The following AGMO variants were observed in gnomAD, a reference collection of about 807,000 sequenced individuals.
AGMO encodes alkylglycerol monooxygenase.
Under a neutral mutation model 60.2 loss-of-function variants are expected in AGMO, and 75 were observed. The observed-to-expected ratio is 1.25, with a 90% CI of 1.03 to 1.51. The LOEUF (loss-of-function observed/expected upper bound fraction) is 1.51. Among genes scored for constraint, AGMO ranks in the 40% most tolerant of loss-of-function variants. AGMO has a pLI of 0.00. For missense variants in AGMO, 763 were observed against 525.5 expected (o/e 1.45, Z -4.42); for synonymous variants, 261 against 177.1 (o/e 1.47, Z -3.76).
intron 12 of AGMO, among the ~76,000 whole-genome samples, chr7:15,234,512 C>T (rs905883379): frequency 6.6e-6 from 1 of 152,174 alleles, no homozygotes; most frequent in South Asian, 2.1e-4. Context: ...GACACACCCA[C>T]GTTTAAAACC....
intron 3 of AGMO, among the ~76,000 whole-genome samples, chr7:15,502,125 G>A (rs1783402107): frequency 6.6e-6 from 1 of 151,936 alleles, no homozygotes; most frequent in African/African-American, 2.4e-5. Flanking sequence ...TCCAAAGTGA[G>A]GGATATTAAA....
At chr7:15,278,123 T>C (rs1783851917) in intron 12 of AGMO, among the ~76,000 whole-genome samples, 1 of 142,154 alleles carries the variant, frequency 7.0e-6, no homozygotes, top group Non-Finnish European at 1.6e-5. Flanking sequence ...AATACATCTG[T>C]CCCACAGCTC....
intron 12 of AGMO, among the ~76,000 whole-genome samples, chr7:15,304,944 T>G (rs755525294): frequency 1.3e-5 from 2 of 152,010 alleles, no homozygotes; most frequent in Non-Finnish European, 2.9e-5. Context: ...AAAAATTTTC[T>G]CTTGCTTCCC....
chr7:15,301,481 T>C (rs1026455414), intron 12 of AGMO, among the ~76,000 whole-genome samples: 3 of 151,338 alleles, frequency 2.0e-5, no homozygotes, highest in African/African-American at 7.3e-5. Flanking sequence ...GTTCTCAAAA[T>C]GAAGGCAAAT....
chr7:15,232,816 C>A (rs1319828601), intron 12 of AGMO, among the ~76,000 whole-genome samples: 1 of 151,598 alleles, frequency 6.6e-6, no homozygotes, highest in Non-Finnish European at 1.5e-5. Context: ...CACACACACA[C>A]ACACACACAC....
chr7:15,163,960 T>C, the AGMO span, among the ~76,000 whole-genome samples: 1 of 152,044 alleles, frequency 6.6e-6, no homozygotes, highest in Non-Finnish European at 1.5e-5. Context: ...GTTGTAGGCA[T>C]TTTTTGTTAT....
the AGMO span, among the ~76,000 whole-genome samples, chr7:15,149,022 G>C: frequency 1.3e-5 from 2 of 152,150 alleles, no homozygotes; most frequent in Non-Finnish European, 2.9e-5. Flanking sequence ...TCTAACCAGT[G>C]TGAGATAGTA....
chr7:15,131,852 A>T, the AGMO span, among the ~76,000 whole-genome samples: 1 of 151,964 alleles, frequency 6.6e-6, no homozygotes, highest in South Asian at 2.1e-4. Flanking sequence ...GGGTAGAGCA[A>T]GCTGCCATGA....
intron 12 of AGMO, among the ~76,000 whole-genome samples, chr7:15,208,418 G>C (rs756435596): frequency 6.6e-6 from 1 of 152,104 alleles, no homozygotes; most frequent in South Asian, 2.1e-4. Flanking sequence ...GGAACCTCAT[G>C]TTCTTTACTT....
At chr7:15,349,351 G>C (rs927426958) in intron 12 of AGMO, among the ~76,000 whole-genome samples, 5 of 152,078 alleles carry the variant, frequency 3.3e-5, no homozygotes, top group African/African-American at 9.7e-5. Flanking sequence ...TTGCCAGAAG[G>C]TTTATAGCAA....
intron 3 of AGMO, among the ~76,000 whole-genome samples, chr7:15,470,808 T>A (rs1782434300): frequency 6.6e-6 from 1 of 152,016 alleles, no homozygotes; most frequent in Non-Finnish European, 1.5e-5. Context: ...AGAATACCAA[T>A]AAACATAAAT....
At chr7:15,211,560 T>G (rs11981147) in intron 12 of AGMO, among the ~76,000 whole-genome samples, 3,485 of 147,440 alleles carry the variant, frequency 0.024, 127 homozygotes, top group African/African-American at 0.087. Flanking sequence ...GTGTTCCATG[T>G]TTTTTTTTGA....
chr7:15,217,966 G>C (rs1781792929), intron 12 of AGMO, among the ~76,000 whole-genome samples: 1 of 151,848 alleles, frequency 6.6e-6, no homozygotes, highest in South Asian at 2.1e-4. Flanking sequence ...GTGTGTCCTG[G>C]GGGTTTGGTG....
At chr7:15,350,485 G>T (rs768276593) in intron 12 of AGMO, among the ~76,000 whole-genome samples, 4 of 152,058 alleles carry the variant, frequency 2.6e-5, no homozygotes, top group Non-Finnish European at 5.9e-5. Flanking sequence ...TAATTCTCTG[G>T]TAGCTAGCTG....
At position 15,354,399 on chromosome 7, in the gene AGMO, T is replaced by TGTGTATATAC. The variant is rs1563105302; in HGVS notation, c.1263+11114_1263+11115insGTATATACAC. On this transcript the variant is annotated intron_variant, in intron 12 of 12. Transcript: ENST00000342526. ...GTGTATACACGTGTGTGTATACACG[T>TGTGTATATAC]GTGTGTACACACGTGTGTGTATACA... 1.8e-4 allele frequency among the ~76,000 whole-genome samples: 6 copies of TGTGTATATAC among 33,236 alleles called. No homozygotes were observed. In the African/African-American group the frequency reaches 1.9e-3, roughly 11 times the overall value. The allele number at this position is 33,236 out of a possible 152,430, so 21.8% of individuals were successfully genotyped here. A position where few individuals can be genotyped will look rare whatever the true frequency, so the allele number is the denominator to read the frequency against.
chr7:15,220,664 T>C (rs1328718163), intron 12 of AGMO, among the ~76,000 whole-genome samples: 4 of 151,882 alleles, frequency 2.6e-5, no homozygotes, highest in African/African-American at 9.7e-5. Context: ...TTTATTAATA[T>C]GAATATATAA....
At position 15,239,625 on chromosome 7, in the gene AGMO, G is replaced by A. The variant is rs1010419789; in HGVS notation, c.1264-38266C>T. Among the ~76,000 whole-genome samples, 4 of 152,130 alleles carry A rather than the reference G, an allele frequency of 2.6e-5. 1 individual carries two copies. The South Asian group carries it at 6.2e-4, about 24-fold the overall frequency. ...GTGCCTGTATAATTTATCTTTCCAA[G>A]GTTGACATTTCAGTATGAGTTTAAA... On this transcript the variant is annotated intron_variant, in intron 12 of 12. Transcript: ENST00000342526.
At chr7:15,199,847 T>C (rs1781228260), downstream of AGMO, among the ~76,000 whole-genome samples, 1 of 152,212 alleles carries the variant, frequency 6.6e-6, no homozygotes, top group Admixed American at 6.5e-5. Context: ...ATACTTGAGA[T>C]AGAATGTGTT....
intron 4 of AGMO, among the ~76,000 whole-genome samples, chr7:15,426,980 T>C (rs532581773): frequency 6.6e-6 from 1 of 152,286 alleles, no homozygotes; most frequent in South Asian, 2.1e-4. Flanking sequence ...GAGTCTATTA[T>C]ATTCCTTTCT....
Sources: allele counts gnomAD v4.1 joint callset (sites outside exome capture counted in the v4.1 genomes callset), GRCh38; gene constraint gnomAD v4.1.1; transcripts MANE v1.5; gene names NCBI Gene and HGNC (gene_info 2026-07-23, HGNC 2026-07-21).